CFAP299: variants seen among roughly 807,000 people sequenced by gnomAD.
CFAP299 encodes cilia and flagella associated protein 299.
A neutral mutation model predicts 27.0 loss-of-function variants in CFAP299; 21 were observed. That is an observed-to-expected ratio of 0.78 (90% CI 0.55 to 1.12). The LOEUF (loss-of-function observed/expected upper bound fraction) is 1.12, where lower values mean the gene tolerates loss of function less well. CFAP299 is among the 50% of genes most tolerant of loss of function. The pLI, the probability that CFAP299 is intolerant of heterozygous loss-of-function variation, is 0.00. For missense variants in CFAP299, 310 were observed against 276.6 expected, an observed-to-expected ratio of 1.12 and a Z score of -0.86; for synonymous variants, 104 against 98.1, an observed-to-expected ratio of 1.06 and a Z score of -0.36.
chr4:80,547,266 A>G (rs1473928744), intron 2 of CFAP299, among the ~76,000 whole-genome samples: 1 of 152,200 alleles, frequency 6.6e-6, no homozygotes, highest in Admixed American at 6.6e-5. Context: ...CAACAATAAC[A>G]AACAATGAGG....
At chr4:80,449,638 C>A (rs1253524260) in intron 2 of CFAP299, among the ~76,000 whole-genome samples, 1 of 151,482 alleles carries the variant, frequency 6.6e-6, no homozygotes, top group Admixed American at 6.6e-5. Flanking sequence ...TTTATATTTT[C>A]TCAGTTTTCT....
intron 2 of CFAP299, among the ~76,000 whole-genome samples, chr4:80,419,850 A>G (rs1727206560): frequency 6.6e-6 from 1 of 152,036 alleles, no homozygotes; most frequent in South Asian, 2.1e-4. Flanking sequence ...TTTTTCCACA[A>G]CCTTTTCTTA....
At chr4:80,760,230 G>C (rs749305880) in intron 3 of CFAP299, among the ~76,000 whole-genome samples, 1 of 152,138 alleles carries the variant, frequency 6.6e-6, no homozygotes, top group Non-Finnish European at 1.5e-5. Flanking sequence ...ATACATTAGT[G>C]ATTATTTGTG....
rs1248689902 is a variant in CFAP299, at chr4:80,626,542, A to C, written c.333+43359A>C. Reference sequence around the variant, plus strand: ...AAGGAAATAATAAAAATCAGGACAGAAATAAAATAATAGAGCCTGGAAAAA... The same window carrying C: ...AAGGAAATAATAAAAATCAGGACAGCAATAAAATAATAGAGCCTGGAAAAA... On this transcript the variant is annotated intron_variant, in intron 3 of 5. Transcript: ENST00000358105. Among the ~76,000 whole-genome samples, 6 of 151,966 alleles carry C rather than the reference A, an allele frequency of 3.9e-5. No homozygotes were observed. The East Asian group carries it at 1.2e-3, about 29-fold the overall frequency.
At chr4:80,454,924 T>G (rs1258595924) in intron 2 of CFAP299, among the ~76,000 whole-genome samples, 3 of 152,060 alleles carry the variant, frequency 2.0e-5, no homozygotes, top group Admixed American at 6.6e-5. Flanking sequence ...CATAGGGAGT[T>G]GAAGCCTCTT....
intron 3 of CFAP299, among the ~76,000 whole-genome samples, chr4:80,636,557 A>ATGACGATGC (rs980202341): frequency 3.9e-5 from 6 of 152,208 alleles, no homozygotes; most frequent in Admixed American, 3.3e-4. Flanking sequence ...CAAATTATAA[A>ATGACGATGC]TGACGATGCT....
At chr4:80,775,071 T>TAAAAAAAAAAAAAAAAAAAAAAAAAAA (rs369851677) in intron 3 of CFAP299, among the ~76,000 whole-genome samples, 1 of 141,378 alleles carries the variant, frequency 7.1e-6, no homozygotes. Context: ...AATAAAAAAA[T>TAAAAAAAAAAAAAAAAAAAAAAAAAAA]AAAAAAAAAA....
At chr4:80,656,222 G>A (rs1740547877) in intron 3 of CFAP299, among the ~76,000 whole-genome samples, 1 of 151,902 alleles carries the variant, frequency 6.6e-6, no homozygotes, top group African/African-American at 2.4e-5. Flanking sequence ...ATTGAGATAT[G>A]TTTTTAAAAA....
chr4:80,417,541 A>G (rs1411011457), intron 2 of CFAP299, among the ~76,000 whole-genome samples: 1 of 151,548 alleles, frequency 6.6e-6, no homozygotes, highest in African/African-American at 2.4e-5. Context: ...TGAAATCGTT[A>G]CTCTTCGGTT....
At chr4:80,741,895 A>G (rs1724294306) in intron 3 of CFAP299, among the ~76,000 whole-genome samples, 2 of 152,146 alleles carry the variant, frequency 1.3e-5, no homozygotes, top group South Asian at 4.1e-4. Flanking sequence ...CTGTCTGGCT[A>G]GGGCTGATCC....
In CFAP299 at chr4:80,944,843, T is replaced by C. The variant is rs1560487330; in HGVS notation, c.510T>C (p.Ser170=). 1 of 1,609,856 alleles carries C rather than the reference T, an allele frequency of 6.2e-7. No individual in the cohort carries two copies. Among genetic ancestry groups the C allele is most frequent in the South Asian group, 1.1e-5 (1 of 90,864 alleles). ...ACTGGGACGCTGATATTGCTGTTAG[T>C]AATTCAAGTCCCAACTATCAAGTGA... ...FYNWDADIAV[S]NSSPNYQVIA... The change falls in exon 5 of 6, where the codon AGT becomes AGC. Residue 170 remains serine, a synonymous_variant. Coordinates refer to ENST00000358105, the MANE Select transcript of CFAP299 (RefSeq NM_152770.3).
chr4:80,758,548 G>A (rs968572477), intron 3 of CFAP299, among the ~76,000 whole-genome samples: 3 of 152,138 alleles, frequency 2.0e-5, no homozygotes, highest in African/African-American at 7.2e-5. Flanking sequence ...AGGCTTGAGA[G>A]TGGGCTCTCG....
chr4:80,790,764 A>T (rs1727515575), intron 3 of CFAP299, among the ~76,000 whole-genome samples: 1 of 152,006 alleles, frequency 6.6e-6, no homozygotes, highest in Non-Finnish European at 1.5e-5. Flanking sequence ...ACTAATACAA[A>T]CCACAATCAG....
At chr4:80,627,241 A>G (rs1738956482) in intron 3 of CFAP299, among the ~76,000 whole-genome samples, 1 of 152,018 alleles carries the variant, frequency 6.6e-6, no homozygotes, top group Non-Finnish European at 1.5e-5. Flanking sequence ...ATGAAGGACA[A>G]TAAGCATATA....
intron 2 of CFAP299, among the ~76,000 whole-genome samples, chr4:80,492,976 G>A (rs1469386891): frequency 6.6e-6 from 1 of 152,236 alleles, no homozygotes; most frequent in Admixed American, 6.5e-5. Context: ...CATATACAAA[G>A]TACACAGTCA....
chr4:80,949,298 T>C (rs983168004), intron 5 of CFAP299, among the ~76,000 whole-genome samples: 2 of 152,104 alleles, frequency 1.3e-5, no homozygotes, highest in Admixed American at 6.6e-5. Context: ...AAAACATAAC[T>C]GCAGTATAAT....
chr4:80,547,383 T>A (rs116340555), intron 2 of CFAP299, among the ~76,000 whole-genome samples: 2,003 of 152,196 alleles, frequency 0.013, 18 homozygotes, highest in Non-Finnish European at 0.02. Context: ...CAACTCAAGA[T>A]GAATTAAAAA....
intron 1 of CFAP299, among the ~76,000 whole-genome samples, chr4:80,341,694 G>A (rs1722464113): frequency 6.6e-6 from 1 of 152,198 alleles, no homozygotes; most frequent in African/African-American, 2.4e-5. Flanking sequence ...ATTAAAGTTA[G>A]ATAAGCCACA....
At chr4:80,681,518 A>T (rs1176511483) in intron 3 of CFAP299, among the ~76,000 whole-genome samples, 1 of 152,194 alleles carries the variant, frequency 6.6e-6, no homozygotes. Flanking sequence ...GAACTTGGGC[A>T]TGAGAGGACA....
Sources: gnomAD v4.1 joint callset for allele counts (sites outside exome capture counted in the v4.1 genomes callset) on GRCh38, gnomAD v4.1.1 for gene constraint, MANE v1.5 for transcripts, NCBI Gene and HGNC (gene_info 2026-07-23, HGNC 2026-07-21) for gene names.